Variants in MRTFA observed in about 807,000 individuals in gnomAD.
MRTFA encodes the protein myocardin-related transcription factor A.
In MRTFA, 20 loss-of-function variants were observed where a neutral mutation model predicts 83.5. That is an observed-to-expected ratio of 0.24 (90% CI 0.17 to 0.35). The LOEUF (loss-of-function observed/expected upper bound fraction) is 0.35, where lower values mean the gene tolerates loss of function less well. MRTFA is among the 10% of genes least tolerant of loss of function. MRTFA has a pLI of 1.00. For missense variants in MRTFA, 1,200 were observed against 1,224.7 expected (o/e 0.98, Z 0.30); for synonymous variants, 659 against 541.2 (o/e 1.22, Z -3.02).
At chr22:40,570,829 T>G (rs2055779579) in intron 2 of MRTFA, among the ~76,000 whole-genome samples, 1 of 151,360 alleles carries the variant, frequency 6.6e-6, no homozygotes, top group Non-Finnish European at 1.5e-5. Context: ...AAAAATAGAC[T>G]TATATCATTT....
At chr22:40,604,754 GA>G (rs144149874) in intron 1 of MRTFA, among the ~76,000 whole-genome samples, 4 of 151,304 alleles carry the variant, frequency 2.6e-5, no homozygotes, top group African/African-American at 9.7e-5. Flanking sequence ...TCAAAAAAAG[GA>G]AAAAAAAGAG....
chr22:40,531,126 T>G lies in MRTFA; in HGVS notation c.241+20980A>C, dbSNP rs2055071795. Among the ~76,000 whole-genome samples, 3 of 152,206 alleles carry G rather than the reference T, an allele frequency of 2.0e-5. No individual in the cohort carries two copies. In the South Asian group the frequency reaches 6.2e-4, roughly 32 times the overall value. On this transcript the variant is annotated intron_variant, in intron 3 of 14. Transcript: ENST00000355630. ...GAAAGTTTTATTTTTTGAGACAGAA[T>G]CTTGCTCTGTCGCCCCAGTTGGAGT...
chr22:40,634,892 T>C (rs1354337330), intron 1 of MRTFA, among the ~76,000 whole-genome samples: 1 of 152,198 alleles, frequency 6.6e-6, no homozygotes, highest in East Asian at 1.9e-4. Flanking sequence ...GGGATACATA[T>C]TACTCTTCCA....
chr22:40,569,756 CATACATA>C (rs1569333054), intron 2 of MRTFA: 99 of 151,298 alleles, frequency 6.5e-4, no homozygotes, highest in African/African-American at 2.3e-3. Flanking sequence ...TACATACATA[CATACATA>C]CATACATACA....
Position 40,622,771 on chromosome 22 carries a change from C to CTATAAGAGAT in MRTFA, c.-84+13706_-84+13707insATCTCTTATA, listed in dbSNP as rs765214907. 1.6e-3 allele frequency among the ~76,000 whole-genome samples: 240 copies of CTATAAGAGAT among 152,264 alleles called. 2 individuals carry two copies. Among genetic ancestry groups the CTATAAGAGAT allele is most frequent in the Non-Finnish European group, 3.0e-3 (204 of 68,028 alleles). On this transcript the variant is annotated intron_variant, in intron 1 of 14. Coordinates refer to ENST00000355630, the MANE Select transcript of MRTFA (RefSeq NM_020831.6). The stretch of plus-strand genomic sequence containing the variant: ...AGTAAGACTGATTCAAATGTATGAC[C>CTATAAGAGAT]TCCAGAACTATAAGAGAATGAATAT...
At chr22:40,431,594 C>T (rs2048187455) in intron 5 of MRTFA, 114 bp from the exon 6 acceptor site, 1 of 948,818 alleles carries the variant, frequency 1.1e-6, no homozygotes, top group Non-Finnish European at 1.7e-6. Context: ...CTGCAGTTCC[C>T]ACAACCTTAA....
intron 1 of MRTFA, among the ~76,000 whole-genome samples, chr22:40,605,003 T>G (rs978454741): frequency 6.6e-6 from 1 of 152,136 alleles, no homozygotes; most frequent in African/African-American, 2.4e-5. Context: ...CTAAGTTAAA[T>G]TCTGAAAAAT....
At chr22:40,479,263 G>A (rs1283002353) in intron 3 of MRTFA, among the ~76,000 whole-genome samples, 3 of 152,092 alleles carry the variant, frequency 2.0e-5, no homozygotes, top group African/African-American at 7.3e-5. Flanking sequence ...CAGCTAAGGG[G>A]AGAATGCATT....
intron 3 of MRTFA, among the ~76,000 whole-genome samples, chr22:40,486,530 T>C (rs1414045318): frequency 6.6e-6 from 1 of 152,212 alleles, no homozygotes; most frequent in Non-Finnish European, 1.5e-5. Flanking sequence ...GGAGGAAAAT[T>C]TGCTTCTTTT....
At chr22:40,413,061 C>T (rs1436789981) in intron 14 of MRTFA, among the ~76,000 whole-genome samples, 1 of 142,584 alleles carries the variant, frequency 7.0e-6, no homozygotes, top group African/African-American at 2.6e-5. Flanking sequence ...GGCTTGAACC[C>T]GGGAGGCGGA....
intron 12 of MRTFA, 44 bp downstream of exon 12, chr22:40,418,330 C>T (rs200733811): frequency 1.3e-6 from 2 of 1,592,916 alleles, no homozygotes; most frequent in Non-Finnish European, 1.7e-6. Context: ...ACGCTCTTCC[C>T]ACCCTCCTCT....
At chr22:40,455,507 A>G (rs1184825108) in intron 4 of MRTFA, among the ~76,000 whole-genome samples, 3 of 152,202 alleles carry the variant, frequency 2.0e-5, no homozygotes, top group Non-Finnish European at 2.9e-5. Flanking sequence ...CTTGCCAGGC[A>G]TGGTGGCGGG....
chr22:40,625,445 CTCTCTAAATAAATAAATAAA>C (rs1569358179), intron 1 of MRTFA, among the ~76,000 whole-genome samples: 2 of 142,010 alleles, frequency 1.4e-5, no homozygotes, highest in African/African-American at 5.3e-5. Context: ...GCAAGGCCCT[CTCTCTAAATAAATAAATAAA>C]TAAATAAATA....
At chr22:40,463,017 AGTTT>A (rs998074761) in intron 4 of MRTFA, among the ~76,000 whole-genome samples, 200 bp downstream of exon 4, 3 of 152,216 alleles carry the variant, frequency 2.0e-5, no homozygotes, top group African/African-American at 7.2e-5. Flanking sequence ...CTTTAAACAC[AGTTT>A]GTTTCACTGA....
At chr22:40,453,798 TCTGCC>T (rs1337473862) in intron 4 of MRTFA, among the ~76,000 whole-genome samples, 1 of 152,186 alleles carries the variant, frequency 6.6e-6, no homozygotes, top group Non-Finnish European at 1.5e-5. Flanking sequence ...CAGACCCTCA[TCTGCC>T]CTGGAATCAC....
At chr22:40,523,719 G>T (rs2054910695) in intron 3 of MRTFA, 3 of 152,280 alleles carry the variant, frequency 2.0e-5, no homozygotes, top group Admixed American at 6.5e-5. Context: ...AGGCTTCCAG[G>T]TGATACAAAG....
intron 4 of MRTFA, among the ~76,000 whole-genome samples, chr22:40,457,426 A>AAGAG (rs2053605468): frequency 1.7e-5 from 2 of 116,586 alleles, no homozygotes; most frequent in East Asian, 6.4e-4. Flanking sequence ...GACAGAATGA[A>AAGAG]AGAAAGAAAG....
intron 3 of MRTFA, among the ~76,000 whole-genome samples, chr22:40,465,698 C>A (rs1031156805): frequency 6.6e-6 from 1 of 151,992 alleles, no homozygotes; most frequent in African/African-American, 2.4e-5. Flanking sequence ...GTAGCTGGAA[C>A]TATAGGTGCA....
chr22:40,554,377 G>A (rs929762450), intron 2 of MRTFA, among the ~76,000 whole-genome samples: 7 of 152,176 alleles, frequency 4.6e-5, no homozygotes, highest in African/African-American at 1.4e-4. Flanking sequence ...ATGTGTTGTG[G>A]GAGGGACCCA....
Sources: gnomAD v4.1 joint callset for allele counts (sites outside exome capture counted in the v4.1 genomes callset) on GRCh38, gnomAD v4.1.1 for gene constraint, MANE v1.5 for transcripts, NCBI Gene and HGNC (gene_info 2026-07-23, HGNC 2026-07-21) for gene names.